The following TBC1D22A variants were observed in gnomAD, a reference collection of about 807,000 sequenced individuals.
TBC1D22A encodes the protein TBC1 domain family member 22A.
TBC1D22A carries 38 observed loss-of-function variants against 60.2 expected under a neutral mutation model. That is an observed-to-expected ratio of 0.63 (90% CI 0.49 to 0.83). TBC1D22A has a LOEUF of 0.83. Among genes scored for constraint, TBC1D22A ranks in the 40% least tolerant of loss-of-function variants. The probability of loss-of-function intolerance (pLI) is 0.00; values close to 1 mark genes in which losing one functional copy is unlikely to be tolerated. For synonymous variants in TBC1D22A, 302 were observed against 281.7 expected (o/e 1.07, Z -0.72); for missense variants, 628 against 701.0 (o/e 0.90, Z 1.18).
intron 11 of TBC1D22A, among the ~76,000 whole-genome samples, chr22:47,110,250 C>T (rs551469099): frequency 1.3e-5 from 2 of 152,084 alleles, no homozygotes; most frequent in Non-Finnish European, 2.9e-5. Context: ...GAGGCTGAGG[C>T]GAGTGGATCA....
At chr22:47,073,027 T>C (rs1353293916) in intron 11 of TBC1D22A, among the ~76,000 whole-genome samples, 5 of 152,246 alleles carry the variant, frequency 3.3e-5, no homozygotes. Context: ...AAAGGCTTTC[T>C]TTTGGGGCTG....
intron 8 of TBC1D22A, among the ~76,000 whole-genome samples, chr22:46,931,456 G>A (rs980589785): frequency 1.3e-5 from 2 of 152,204 alleles, no homozygotes; most frequent in African/African-American, 2.4e-5. Flanking sequence ...AAATACATAA[G>A]AGGTATCCTC....
chr22:46,903,188 CTGG>C (rs2069135230), intron 7 of TBC1D22A, among the ~76,000 whole-genome samples: 2 of 152,204 alleles, frequency 1.3e-5, no homozygotes. Context: ...AGACCTCAGC[CTGG>C]TGGGCGTTCG....
chr22:46,952,715 C>A (rs1042249880), intron 8 of TBC1D22A, among the ~76,000 whole-genome samples: 7 of 152,182 alleles, frequency 4.6e-5, no homozygotes, highest in Non-Finnish European at 1.0e-4. Context: ...GCTGCCTTGG[C>A]CATATTCTTT....
At chr22:47,089,265 T>C (rs1014140116) in intron 11 of TBC1D22A, among the ~76,000 whole-genome samples, 13 of 152,338 alleles carry the variant, frequency 8.5e-5, no homozygotes, top group African/African-American at 2.4e-4. Context: ...ATTATGTGTC[T>C]AAGTTGTTGT....
intron 8 of TBC1D22A, among the ~76,000 whole-genome samples, chr22:46,963,032 G>A: frequency 6.6e-6 from 1 of 151,144 alleles, no homozygotes; most frequent in Non-Finnish European, 1.5e-5. Flanking sequence ...GGCTAACATG[G>A]TGTAACCCCG....
chr22:46,847,967 G>A (rs1456278326), intron 4 of TBC1D22A, among the ~76,000 whole-genome samples: 6 of 148,214 alleles, frequency 4.0e-5, no homozygotes, highest in Admixed American at 3.4e-4. Flanking sequence ...GCGCGCGCAC[G>A]CGCTCTACAC....
chr22:46,843,681 C>T (rs890443814), intron 4 of TBC1D22A, among the ~76,000 whole-genome samples: 1 of 151,940 alleles, frequency 6.6e-6, no homozygotes. Flanking sequence ...TGGGGGTAAA[C>T]GGGGCACTCT....
At chr22:46,970,443 G>A (rs763830137) in intron 8 of TBC1D22A, among the ~76,000 whole-genome samples, 5 of 151,812 alleles carry the variant, frequency 3.3e-5, no homozygotes, top group African/African-American at 7.3e-5. Context: ...TCTTTTTTTC[G>A]ATTGGTGTCA....
chr22:46,944,255 G>A (rs1016056068), intron 8 of TBC1D22A, among the ~76,000 whole-genome samples: 3 of 152,056 alleles, frequency 2.0e-5, no homozygotes, highest in Non-Finnish European at 4.4e-5. Context: ...GTAGCTTGTT[G>A]TGTTTCTGTT....
At chr22:47,026,389 G>A (rs1043818123) in intron 10 of TBC1D22A, among the ~76,000 whole-genome samples, 4 of 152,164 alleles carry the variant, frequency 2.6e-5, no homozygotes, top group Non-Finnish European at 5.9e-5. Context: ...GTGGCAGAAA[G>A]ACAAAAACGT....
intron 12 of TBC1D22A, among the ~76,000 whole-genome samples, chr22:47,135,799 G>A (rs974380710): frequency 4.6e-5 from 7 of 152,244 alleles, no homozygotes; most frequent in East Asian, 1.9e-4. Flanking sequence ...GTGTTCATTC[G>A]CCCAGCGCTT....
chr22:46,821,602 A>G (rs962570157), intron 4 of TBC1D22A, among the ~76,000 whole-genome samples: 2 of 151,674 alleles, frequency 1.3e-5, no homozygotes, highest in East Asian at 1.9e-4. Context: ...TGTAGAGTTT[A>G]TGCTGTTAGT....
intron 1 of TBC1D22A, among the ~76,000 whole-genome samples, chr22:46,781,563 C>T (rs1179107700): frequency 6.6e-6 from 1 of 152,156 alleles, no homozygotes; most frequent in South Asian, 2.1e-4. Context: ...ATTGCAGTTG[C>T]ATCTCCCTGT....
intron 11 of TBC1D22A, among the ~76,000 whole-genome samples, chr22:47,047,550 G>C (rs897818580): frequency 6.6e-6 from 1 of 152,218 alleles, no homozygotes; most frequent in Non-Finnish European, 1.5e-5. Flanking sequence ...ACCCAGAGAG[G>C]AGTAGTCCTG....
chr22:46,870,276 CTCTG>C (rs1448385144), intron 4 of TBC1D22A, among the ~76,000 whole-genome samples: 1 of 152,240 alleles, frequency 6.6e-6, no homozygotes, highest in African/African-American at 2.4e-5. Context: ...ACCCTCTGCT[CTCTG>C]TCTGCTCTCT....
chr22:46,784,018 C>A (rs1025745776), intron 1 of TBC1D22A, among the ~76,000 whole-genome samples: 1 of 152,148 alleles, frequency 6.6e-6, no homozygotes, highest in East Asian at 1.9e-4. Context: ...TGTTTCAAAG[C>A]AGTTTAATTC....
At chr22:46,870,345 A>G (rs1215239257) in intron 4 of TBC1D22A, among the ~76,000 whole-genome samples, 1 of 152,242 alleles carries the variant, frequency 6.6e-6, no homozygotes, top group Non-Finnish European at 1.5e-5. Flanking sequence ...CACAGTGCAG[A>G]TGAGCATGAA....
chr22:47,057,713 TACTC>T (rs1228117850), intron 11 of TBC1D22A, among the ~76,000 whole-genome samples: 2 of 152,168 alleles, frequency 1.3e-5, no homozygotes, highest in East Asian at 1.9e-4. Context: ...TCATGAGACT[TACTC>T]ACTATCGCGA....
Sources: allele counts gnomAD v4.1 joint callset (sites outside exome capture counted in the v4.1 genomes callset), GRCh38; gene constraint gnomAD v4.1.1; transcripts MANE v1.5; gene names NCBI Gene and HGNC (gene_info 2026-07-23, HGNC 2026-07-21).